SENP1: variants seen among roughly 807,000 people sequenced by gnomAD.
The protein encoded by SENP1 is SUMO specific peptidase 1.
In SENP1, 21 loss-of-function variants were observed where a neutral mutation model predicts 93.0. The observed-to-expected ratio is 0.23, with a 90% CI of 0.16 to 0.33. SENP1 has a LOEUF of 0.33. Among genes scored for constraint, SENP1 ranks in the 10% least tolerant of loss-of-function variants. The pLI is 1.00. For synonymous variants in SENP1, 256 were observed against 259.6 expected (o/e 0.99, Z 0.13); for missense variants, 591 against 758.7 (o/e 0.78, Z 2.60).
Position 48,071,660 on chromosome 12 carries a change from A to C in SENP1, c.995+7T>G. On this transcript the variant is annotated splice_region_variant and intron_variant, in intron 9 of 17. Coordinates refer to ENST00000549518, the MANE Select transcript of SENP1 (RefSeq NM_001267594.2). ...TTAATAAAGAACAAGCTTTTTCCAAAGTTTACCTGGGAGTTGGAGTCTGGG... is the reference window on the plus strand; with the variant it reads ...TTAATAAAGAACAAGCTTTTTCCAACGTTTACCTGGGAGTTGGAGTCTGGG... 6.3e-7 allele frequency: 1 copy of C among 1,589,214 alleles called. No individual in the cohort carries two copies. Among genetic ancestry groups the C allele is most frequent in the South Asian group, 1.1e-5 (1 of 89,704 alleles).
intron 4 of SENP1, among the ~76,000 whole-genome samples, chr12:48,089,470 A>T (rs538978665): frequency 1.5e-3 from 223 of 152,346 alleles, no homozygotes; most frequent in Non-Finnish European, 2.5e-3. Flanking sequence ...ATTGCTGCTT[A>T]TTCTGGTTGG....
chr12:48,074,272 C>G, intron 8 of SENP1, 52 bp downstream of exon 8: 2 of 1,404,690 alleles, frequency 1.4e-6, no homozygotes, highest in Non-Finnish European at 2.0e-6. Context: ...AGCTAATGAA[C>G]AGTTAATTGG....
rs200714271 is a variant in SENP1, at chr12:48,044,359, T to TAC, written c.*962_*963insGT. 19,661 of 69,742 alleles carry TAC rather than the reference T, an allele frequency of 0.28. 1,413 individuals carry two copies. The highest frequency in any genetic ancestry group is 0.55 in the East Asian group (803 of 1,468). 4.3% of individuals were successfully genotyped at this position (69,742 alleles called of 1,614,324 possible). On this transcript the variant is annotated 3_prime_UTR_variant, in exon 18 of 18. Transcript: ENST00000549518. ...ATCCCTGTGAAATTTTATACATACA[T>TAC]ATATATATATATATATGTATGTGTA... is the stretch of plus-strand genomic sequence containing the variant.
intron 13 of SENP1, among the ~76,000 whole-genome samples, chr12:48,052,521 T>C (rs1376953013): frequency 1.3e-5 from 2 of 152,144 alleles, no homozygotes; most frequent in African/African-American, 4.8e-5. Flanking sequence ...AATTTACCCT[T>C]ATCAACCACA....
Position 48,074,420 on chromosome 12 carries a change from C to A in SENP1, c.844G>T (p.Gly282Ter). The change falls in exon 8 of 18, where the codon GGA (glycine) becomes TGA (stop). Residue 282 changes from glycine to a stop codon, truncating the protein, a stop_gained. Transcript: ENST00000549518. LOFTEE classifies it high-confidence loss of function. ...TGAAGAGTACCAGAATCTTTGGATCCAAATGCAACATCTGGGGTATAAGAA... is the reference window on the plus strand; with the variant it reads ...TGAAGAGTACCAGAATCTTTGGATCAAAATGCAACATCTGGGGTATAAGAA... ...LSSYTPDVAFGSKDSGTLHHP... is the reference protein window; with the variant it reads ...LSSYTPDVAF 6.2e-7 allele frequency: 1 copy of A among 1,613,728 alleles called. No individual in the cohort carries two copies. Among genetic ancestry groups the A allele is most frequent in the Non-Finnish European group, 8.5e-7 (1 of 1,179,758 alleles).
At chr12:48,074,236 T>C (rs1009643001) in intron 8 of SENP1, 88 bp downstream of exon 8, 136 of 1,070,276 alleles carry the variant, frequency 1.3e-4, no homozygotes, top group Admixed American at 2.1e-4. Context: ...TTTATTTATA[T>C]GTATATTACA....
At chr12:48,081,950 G>A (rs1371704166) in intron 6 of SENP1, among the ~76,000 whole-genome samples, 8 of 151,770 alleles carry the variant, frequency 5.3e-5, no homozygotes, top group African/African-American at 7.3e-5. Flanking sequence ...GTGCAGTGGC[G>A]CGATTTCGGC....
chr12:48,085,076 GA>G, intron 5 of SENP1: 1 of 1,327,314 alleles, frequency 7.5e-7, no homozygotes. Flanking sequence ...CGGGGAGAAG[GA>G]AGCTCATCGC....
At chr12:48,095,001 G>A (rs773643254) in intron 4 of SENP1, among the ~76,000 whole-genome samples, 6 of 152,224 alleles carry the variant, frequency 3.9e-5, no homozygotes, top group African/African-American at 7.2e-5. Context: ...GTAGAGTTAC[G>A]TTTTGAGAAA....
chr12:48,074,805 CAAA>C lies in SENP1; in HGVS notation c.553-15_553-13del. 4 of 1,144,598 alleles carry C rather than the reference CAAA, an allele frequency of 3.5e-6. No homozygotes were observed. Among genetic ancestry groups the C allele is most frequent in the Non-Finnish European group, 3.6e-6 (3 of 837,146 alleles). 70.9% of individuals were successfully genotyped at this position (1,144,598 alleles called of 1,614,324 possible). A position where few individuals can be genotyped will look rare whatever the true frequency, so the allele number is the denominator to read the frequency against. ...TCTTCTTGAACTGTCTATAAGAAAACAAAAAAAAAAAACAGTTTAAACACATCC... is the reference window on the plus strand; with the variant it reads ...TCTTCTTGAACTGTCTATAAGAAAACAAAAAAAAACAGTTTAAACACATCC... On this transcript the variant is annotated splice_polypyrimidine_tract_variant and intron_variant, in intron 6 of 17. Transcript: ENST00000549518.
At chr12:48,085,973 A>C (rs527984899) in intron 5 of SENP1, among the ~76,000 whole-genome samples, 1 of 152,360 alleles carries the variant, frequency 6.6e-6, no homozygotes, top group East Asian at 1.9e-4. Context: ...GGCATCCTGC[A>C]ATGACAGAAA....
intron 13 of SENP1, chr12:48,054,678 T>A (rs1424331329): frequency 6.6e-6 from 1 of 152,156 alleles, no homozygotes; most frequent in East Asian, 1.9e-4. Context: ...TAATCCCAGC[T>A]ACTCGGGGGG....
chr12:48,047,662 CACTA>C (rs1284092417), intron 15 of SENP1, among the ~76,000 whole-genome samples: 5 of 152,162 alleles, frequency 3.3e-5, no homozygotes, highest in African/African-American at 1.2e-4. Flanking sequence ...CCACCTGAGC[CACTA>C]ACTAATAGGA....
chr12:48,065,737 T>TGAGA, intron 10 of SENP1, 57 bp from the exon 11 acceptor site: 1 of 1,099,200 alleles, frequency 9.1e-7, no homozygotes, highest in Non-Finnish European at 1.4e-6. Context: ...TGAAACATAT[T>TGAGA]GTTGATGTAC....
chr12:48,104,047 C>G (rs189139263), intron 1 of SENP1, among the ~76,000 whole-genome samples: 1 of 151,788 alleles, frequency 6.6e-6, no homozygotes, highest in East Asian at 1.9e-4. Context: ...CCTGTCTCTA[C>G]GAAAAATACA....
chr12:48,045,174 C>T lies in SENP1; in HGVS notation c.*148G>A. Reference sequence around the variant, plus strand: ...AGATACAAAAGGAAAGGCAGATGTGCTTGTGAATGCATCTCGCCAGGGCCT... The same window carrying T: ...AGATACAAAAGGAAAGGCAGATGTGTTTGTGAATGCATCTCGCCAGGGCCT... On this transcript the variant is annotated 3_prime_UTR_variant, in exon 18 of 18. Coordinates refer to ENST00000549518, the MANE Select transcript of SENP1 (RefSeq NM_001267594.2). 1.6e-6 allele frequency: 1 copy of T among 628,010 alleles called. No individual in the cohort carries two copies. The highest frequency in any genetic ancestry group is 1.9e-5 in the South Asian group (1 of 51,550). 38.9% of individuals were successfully genotyped at this position (628,010 alleles called of 1,614,324 possible). A position where few individuals can be genotyped will look rare whatever the true frequency, so the allele number is the denominator to read the frequency against.
intron 5 of SENP1, among the ~76,000 whole-genome samples, chr12:48,084,455 T>G (rs1944701112): frequency 6.7e-6 from 1 of 148,692 alleles, no homozygotes; most frequent in South Asian, 2.2e-4. Context: ...GAGTTTTTTT[T>G]TTTTTTTTTT....
At chr12:48,095,060 T>G (rs899535648) in intron 4 of SENP1, among the ~76,000 whole-genome samples, 2 of 152,332 alleles carry the variant, frequency 1.3e-5, no homozygotes, top group East Asian at 1.9e-4. Flanking sequence ...GGAAGTCCAG[T>G]GCCCAGGGCA....
intron 10 of SENP1, 97 bp from the exon 11 acceptor site, chr12:48,065,777 A>T (rs1258774550): frequency 1.4e-6 from 1 of 735,740 alleles, no homozygotes. Context: ...ACCCTCACAA[A>T]GAAAGTCTAA....
Sources: allele counts gnomAD v4.1 joint callset (sites outside exome capture counted in the v4.1 genomes callset), GRCh38; gene constraint gnomAD v4.1.1; transcripts MANE v1.5; gene names NCBI Gene and HGNC (gene_info 2026-07-23, HGNC 2026-07-21).